Variants in TASOR2 observed in about 807,000 individuals in gnomAD.
TASOR2 encodes the protein transcription activation suppressor family member 2, also known as protein TASOR 2.
In TASOR2, 84 loss-of-function variants were observed where a neutral mutation model predicts 199.5. The observed-to-expected ratio is 0.42, with a 90% CI of 0.35 to 0.50. The LOEUF is 0.50. Ranked by LOEUF, TASOR2 falls within the 20% of genes least tolerant of loss-of-function variation. The pLI, the probability that TASOR2 is intolerant of heterozygous loss-of-function variation, is 0.02. For missense variants in TASOR2, 2,796 were observed against 2,835.9 expected (o/e 0.99, Z 0.32); for synonymous variants, 1,103 against 1,046.6 (o/e 1.05, Z -1.04).
intron 11 of TASOR2, among the ~76,000 whole-genome samples, chr10:5,731,583 G>A (rs1250941364): frequency 2.0e-5 from 3 of 152,210 alleles, no homozygotes; most frequent in Non-Finnish European, 4.4e-5. Flanking sequence ...CCTGTGGACT[G>A]CAGCTTTGCA....
At chr10:5,747,608 T>C in exon 15 of TASOR2, 3 of 1,614,158 alleles carry the variant, frequency 1.9e-6, no homozygotes, top group Non-Finnish European at 2.5e-6. Context: ...GATTCTGTAA[T>C]TGAAGAAGTA....
chr10:5,738,522 C>T lies in TASOR2; in HGVS notation c.1448-1096C>T, dbSNP rs904617396. On this transcript the variant is annotated intron_variant, in intron 12 of 20. Transcript: ENST00000328090. The surrounding 1 kb of genome is among the most constrained non-coding windows in gnomAD (Gnocchi z 4.7). ...CTTTGGGTCCTTTTCATCCACCTGT[C>T]CCCTTTGAGTTTGCTGTTTTAAATA... is the stretch of plus-strand genomic sequence containing the variant. Among the ~76,000 whole-genome samples the T allele has an allele frequency of 3.9e-5, 6 of 152,180 alleles. No individual in the cohort carries two copies. Among genetic ancestry groups the T allele is most frequent in the Admixed American group, 3.9e-4 (6 of 15,272 alleles).
At chr10:5,723,728 A>T in exon 7 of TASOR2, 1 of 1,605,198 alleles carries the variant, frequency 6.2e-7, no homozygotes, top group Non-Finnish European at 8.5e-7. Context: ...CCTTGAAAAA[A>T]AGACTACCAG....
In TASOR2 at chr10:5,749,492, C is replaced by CT; in HGVS notation, c.6072dup (p.Glu2025Ter). 2.5e-6 allele frequency: 4 copies of CT among 1,614,116 alleles called. No individual in the cohort carries two copies. Among genetic ancestry groups the CT allele is most frequent in the Non-Finnish European group, 3.4e-6 (4 of 1,180,050 alleles). On this transcript the variant is annotated frameshift_variant, in exon 15 of 21. Transcript: ENST00000328090. LOFTEE classifies it high-confidence loss of function. ...GGTGCTTTCCCTTCGACAAAAATCT[C>CT]TGAGGCCCCATTTCTGCATCCTGCA...
At chr10:5,709,563 C>T (rs1362986389) in intron 1 of TASOR2, 1 of 1,230,684 alleles carries the variant, frequency 8.1e-7, no homozygotes, top group African/African-American at 1.6e-5. Context: ...AGGACTATGT[C>T]AAGAATTCTG....
chr10:5,727,152 C>G (rs2131585814), intron 10 of TASOR2, 29 bp downstream of exon 11: 1 of 1,612,020 alleles, frequency 6.2e-7, no homozygotes, highest in Non-Finnish European at 8.5e-7. Context: ...CCAGCTCACT[C>G]TGTCTGTTGG....
intron 6 of TASOR2, 76 bp downstream of exon 7, chr10:5,721,046 A>C: frequency 8.6e-7 from 1 of 1,165,352 alleles, no homozygotes; most frequent in East Asian, 2.4e-5. Context: ...ACCTCATTTC[A>C]AGGGTGGCAT....
exon 1 of TASOR2, chr10:5,684,866 GAA>G (rs1835631355): frequency 5.0e-6 from 2 of 397,676 alleles, no homozygotes; most frequent in Admixed American, 8.8e-5. Flanking sequence ...CGGTCAGAGA[GAA>G]AGTCGGCATG....
At chr10:5,746,578 A>G in exon 15 of TASOR2, 1 of 1,614,122 alleles carries the variant, frequency 6.2e-7, no homozygotes, top group Non-Finnish European at 8.5e-7. Context: ...GGAACCAATT[A>G]CTCTCACCTT....
chr10:5,720,639 A>G lies in TASOR2; in HGVS notation c.-4A>G. ...TAGCTTTTCGATACAGGGAATCTAA[A>G]ACTATGGCACCACCAGCTCATAAAA... On this transcript the variant is annotated 5_prime_UTR_variant, in exon 4 of 21. Transcript: ENST00000328090. The surrounding 1 kb of genome is among the most constrained non-coding windows in gnomAD (Gnocchi z 5.3). The G allele has an allele frequency of 6.2e-7, 1 of 1,614,052 alleles. No individual in the cohort carries two copies. The highest frequency in any genetic ancestry group is 8.5e-7 in the Non-Finnish European group (1 of 1,179,992).
Position 5,757,436 on chromosome 10 carries a change from C to G in TASOR2, c.6733-84C>G, listed in dbSNP as rs41306922. The G allele has an allele frequency of 1.5e-3, 2,077 of 1,350,256 alleles. 4 individuals carry two copies. The highest frequency in any genetic ancestry group is 2.2e-3 in the Middle Eastern group (11 of 4,918). The allele number at this position is 1,350,256 out of a possible 1,614,324, so 83.6% of individuals were successfully genotyped here. A position where few individuals can be genotyped will look rare whatever the true frequency, so the allele number is the denominator to read the frequency against. The stretch of plus-strand genomic sequence containing the variant: ...TTTCAGTTGTTCCTGAACCTTGACT[C>G]TCTTGGATAGAAAAGCAAGGGAGTG... On this transcript the variant is annotated intron_variant, in intron 16 of 20. Transcript: ENST00000328090.
Position 5,738,264 on chromosome 10 carries a change from C to T in TASOR2, c.1448-1354C>T, listed in dbSNP as rs1232092005. ...GGGTGGTGTTTTTTTAATTGGGAAC[C>T]TGTAACACGTTAATAACTGGGTGAT... is the stretch of plus-strand genomic sequence containing the variant. On this transcript the variant is annotated intron_variant, in intron 12 of 20. Transcript: ENST00000328090. The surrounding 1 kb of genome is among the most constrained non-coding windows in gnomAD (Gnocchi z 4.7). Among the ~76,000 whole-genome samples, 1 of 151,878 alleles carries T rather than the reference C, an allele frequency of 6.6e-6. No individual in the cohort carries two copies. The highest frequency in any genetic ancestry group is 1.5e-5 in the Non-Finnish European group (1 of 67,994).
chr10:5,728,222 A>T (rs1174417591), intron 10 of TASOR2, among the ~76,000 whole-genome samples: 1 of 4,322 alleles, frequency 2.3e-4, no homozygotes, highest in African/African-American at 1.1e-3. Context: ...CCCTGTTTCA[A>T]AAAAAAAAAA....
chr10:5,722,933 G>A lies in TASOR2; in HGVS notation c.147-744G>A, dbSNP rs962262116. On this transcript the variant is annotated intron_variant, in intron 6 of 20. Transcript: ENST00000328090. The surrounding 1 kb of genome is among the most constrained non-coding windows in gnomAD (Gnocchi z 4.0). The stretch of plus-strand genomic sequence containing the variant: ...TGAGGCAGGGTAATCACTTGAACCC[G>A]GGAGTCAGAGGTTGCAGTGAGCTGA... Among the ~76,000 whole-genome samples, 1 of 151,470 alleles carries A rather than the reference G, an allele frequency of 6.6e-6. No individual in the cohort carries two copies. The highest frequency in any genetic ancestry group is 1.5e-5 in the Non-Finnish European group (1 of 67,828).
chr10:5,715,712 A>T lies in TASOR2; in HGVS notation c.-191-1947A>T, dbSNP rs181717157. On this transcript the variant is annotated intron_variant, in intron 2 of 20. Coordinates refer to ENST00000328090, the Ensembl canonical transcript of TASOR2. ...GGCTGGAGTGCAATGGCGCAATCTC[A>T]GCTCTCTGCAACCTTCGACTCCTTG... 9.2e-3 allele frequency among the ~76,000 whole-genome samples: 1,389 copies of T among 151,752 alleles called. 26 individuals are homozygous for T. The highest frequency in any genetic ancestry group is 0.032 in the African/African-American group (1,324 of 41,392).
In TASOR2 at chr10:5,699,854, C is replaced by A; in HGVS notation, c.-287-12969C>A. 2 of 521,214 alleles carry A rather than the reference C, an allele frequency of 3.8e-6. No homozygotes were observed. The highest frequency in any genetic ancestry group is 4.9e-6 in the Non-Finnish European group (2 of 405,946). 32.3% of individuals were successfully genotyped at this position (521,214 alleles called of 1,614,324 possible). ...TTTATTGATGCGTAATAGATGTACA[C>A]AGTTTTAGGATACATGTGATAATAC... On this transcript the variant is annotated intron_variant, in intron 1 of 20. Transcript: ENST00000328090. The surrounding 1 kb of genome is among the most constrained non-coding windows in gnomAD (Gnocchi z 4.1).
At position 5,714,144 on chromosome 10, in the gene TASOR2, G is replaced by GTA. The variant is rs1441716641; in HGVS notation, c.-192+1228_-192+1229dup. ...AATCTTTTGTTTAAAGGCAAAATTGGTATGTCAGTGTGGACTCCGTGTTGG... is the reference window on the plus strand; with the variant it reads ...AATCTTTTGTTTAAAGGCAAAATTGGTATATGTCAGTGTGGACTCCGTGTTGG... On this transcript the variant is annotated intron_variant, in intron 2 of 20. The change creates a new upstream start codon in the 5' untranslated region. Transcript: ENST00000328090. 5.3e-5 allele frequency: 65 copies of GTA among 1,231,488 alleles called. No homozygotes were observed. The highest frequency in any genetic ancestry group is 6.2e-5 in the Non-Finnish European group (61 of 987,668). 76.3% of individuals were successfully genotyped at this position (1,231,488 alleles called of 1,614,324 possible).
chr10:5,714,690 A>G (rs558324598), intron 2 of TASOR2: 1 of 152,402 alleles, frequency 6.6e-6, no homozygotes, highest in Admixed American at 6.5e-5. Flanking sequence ...CAGTTTCTTC[A>G]TGTGTAAAAC....
rs1837375076 is a variant in TASOR2 at position 5,698,123 on chromosome 10, A to G, written c.-288+12948A>G. Among the ~76,000 whole-genome samples the G allele has an allele frequency of 6.6e-6, 1 of 152,162 alleles. No homozygotes were observed. The highest frequency in any genetic ancestry group is 1.5e-5 in the Non-Finnish European group (1 of 68,014). ...GACAGAGATATTTCCCTACTCCTTG[A>G]CTTTGTGTTTGGCTATGTGACTTGC... On this transcript the variant is annotated intron_variant, in intron 1 of 20. Coordinates refer to ENST00000328090, the Ensembl canonical transcript of TASOR2. This position sits in a 1 kb window ranked among gnomAD's most constrained non-coding sequence, Gnocchi z 4.4.
Sources: gnomAD v4.1 joint callset for allele counts (sites outside exome capture counted in the v4.1 genomes callset) on GRCh38, gnomAD v4.1.1 for gene constraint, Gnocchi (gnomAD v3.1) non-coding constraint, MANE v1.5 for transcripts, NCBI Gene and HGNC (gene_info 2026-07-23, HGNC 2026-07-21) for gene names.